ANKS1B: variants seen among roughly 807,000 people sequenced by gnomAD.
ANKS1B encodes the protein ankyrin repeat and sterile alpha motif domain containing 1B.
Under a neutral mutation model 148.3 loss-of-function variants are expected in ANKS1B, and 36 were observed. That is an observed-to-expected ratio of 0.24 (90% CI 0.19 to 0.32). The LOEUF is 0.32. Among genes scored for constraint, ANKS1B ranks in the 10% least tolerant of loss-of-function variants. The pLI, the probability that ANKS1B is intolerant of heterozygous loss-of-function variation, is 1.00. For synonymous variants in ANKS1B, 542 were observed against 560.8 expected (o/e 0.97, Z 0.47); for missense variants, 1,157 against 1,542.6 (o/e 0.75, Z 4.19).
chr12:98,973,744 A>C (rs879108762), intron 17 of ANKS1B, among the ~76,000 whole-genome samples: 1 of 152,112 alleles, frequency 6.6e-6, no homozygotes. Context: ...CTATTGTTAT[A>C]GTTTCTATTT....
intron 1 of ANKS1B, among the ~76,000 whole-genome samples, chr12:99,921,696 CAG>C (rs1159905428): frequency 6.6e-6 from 1 of 151,894 alleles, no homozygotes; most frequent in Non-Finnish European, 1.5e-5. Flanking sequence ...AGATAAAAAC[CAG>C]AGAACCACTG....
chr12:99,717,899 CT>C (rs943618905), intron 8 of ANKS1B, among the ~76,000 whole-genome samples: 4,080 of 110,966 alleles, frequency 0.037, 33 homozygotes, highest in African/African-American at 0.094. Context: ...AGACAATACT[CT>C]TTTTTTTTTT....
At chr12:99,848,112 G>C (rs2087007146) in intron 1 of ANKS1B, among the ~76,000 whole-genome samples, 1 of 152,074 alleles carries the variant, frequency 6.6e-6, no homozygotes, top group Non-Finnish European at 1.5e-5. Context: ...AAACAAGCAG[G>C]AGAGGAAGAG....
chr12:99,252,124 A>G (rs933371748), intron 12 of ANKS1B, among the ~76,000 whole-genome samples: 1 of 152,230 alleles, frequency 6.6e-6, no homozygotes, highest in East Asian at 1.9e-4. Flanking sequence ...CATTGAGCAG[A>G]CATAGAAATG....
intron 8 of ANKS1B, among the ~76,000 whole-genome samples, chr12:99,738,294 A>C (rs992586696): frequency 6.6e-6 from 1 of 152,042 alleles, no homozygotes; most frequent in African/African-American, 2.4e-5. Flanking sequence ...AACCCAAATC[A>C]CTCCTCCATC....
intron 12 of ANKS1B, among the ~76,000 whole-genome samples, chr12:99,289,337 C>T (rs995550088): frequency 6.6e-6 from 1 of 152,060 alleles, no homozygotes; most frequent in Non-Finnish European, 1.5e-5. Context: ...ATCGATGCCT[C>T]ACTTTCAACA....
At chr12:99,713,171 T>C (rs541889871) in intron 8 of ANKS1B, among the ~76,000 whole-genome samples, 3 of 152,304 alleles carry the variant, frequency 2.0e-5, no homozygotes, top group Admixed American at 2.0e-4. Flanking sequence ...TGGCTCCTAT[T>C]GAGATCTGTG....
intron 1 of ANKS1B, among the ~76,000 whole-genome samples, chr12:99,881,044 G>A (rs904595495): frequency 6.6e-6 from 1 of 152,192 alleles, no homozygotes; most frequent in Non-Finnish European, 1.5e-5. Flanking sequence ...AGATGGATTG[G>A]AGAAGACCAG....
intron 9 of ANKS1B, among the ~76,000 whole-genome samples, chr12:99,543,014 C>T (rs958908721): frequency 2.6e-5 from 4 of 152,080 alleles, no homozygotes; most frequent in African/African-American, 9.6e-5. Flanking sequence ...AACTTTTATG[C>T]TTCAAAGGAC....
At chr12:98,936,042 A>G (rs1480533503) in intron 17 of ANKS1B, among the ~76,000 whole-genome samples, 1 of 152,210 alleles carries the variant, frequency 6.6e-6, no homozygotes, top group African/African-American at 2.4e-5. Flanking sequence ...TGCATGATGC[A>G]AGAATGATGA....
In ANKS1B at chr12:99,405,665, A is replaced by G. The variant is rs754082132; in HGVS notation, c.1576-5854T>C. On this transcript the variant is annotated intron_variant, in intron 11 of 26. Coordinates refer to ENST00000683438, the MANE Select transcript of ANKS1B (RefSeq NM_001352186.2). ...AAAAAACTAGAAAACAAATAACACA[A>G]TGGCAGGATAAGTGCTTATCATTAA... Among the ~76,000 whole-genome samples the G allele has an allele frequency of 6.2e-4, 90 of 144,680 alleles. 9 individuals carry two copies. The highest frequency in any genetic ancestry group is 1.2e-3 in the Non-Finnish European group (78 of 65,490). 94.9% of individuals were successfully genotyped at this position (144,680 alleles called of 152,430 possible).
At chr12:99,285,099 G>A (rs554649096) in intron 12 of ANKS1B, among the ~76,000 whole-genome samples, 1 of 152,210 alleles carries the variant, frequency 6.6e-6, no homozygotes, top group South Asian at 2.1e-4. Context: ...TTACCCTTTT[G>A]TAATTTCTCA....
At chr12:99,614,302 G>A (rs1216133107) in intron 9 of ANKS1B, among the ~76,000 whole-genome samples, 3 of 151,920 alleles carry the variant, frequency 2.0e-5, no homozygotes, top group Non-Finnish European at 4.4e-5. Context: ...TGGCGTGGTG[G>A]TGCATGCCTG....
At chr12:99,365,982 A>G (rs764781155) in intron 12 of ANKS1B, among the ~76,000 whole-genome samples, 24 of 152,252 alleles carry the variant, frequency 1.6e-4, no homozygotes, top group Non-Finnish European at 2.2e-4. Flanking sequence ...ATGTCAACAG[A>G]AGTAGCCCTT....
At chr12:99,837,151 T>C (rs1387075) in intron 1 of ANKS1B, among the ~76,000 whole-genome samples, 21,440 of 152,066 alleles carry the variant, frequency 0.14, 2,567 homozygotes, top group African/African-American at 0.33. Context: ...CTGGCCATTG[T>C]TGGCTCTAAA....
At chr12:99,422,075 A>G (rs549641430) in intron 11 of ANKS1B, among the ~76,000 whole-genome samples, 9 of 152,354 alleles carry the variant, frequency 5.9e-5, no homozygotes, top group Non-Finnish European at 1.0e-4. Flanking sequence ...CCGTGAGCCA[A>G]TTAAATCTGT....
chr12:99,066,186 T>C (rs1312508470), intron 16 of ANKS1B, among the ~76,000 whole-genome samples: 1 of 152,014 alleles, frequency 6.6e-6, no homozygotes, highest in Non-Finnish European at 1.5e-5. Flanking sequence ...CATGGTGGTA[T>C]GTGCCTGTAA....
chr12:99,762,193 A>C (rs901198833), intron 8 of ANKS1B, among the ~76,000 whole-genome samples: 1 of 152,106 alleles, frequency 6.6e-6, no homozygotes, highest in South Asian at 2.1e-4. Context: ...TTAGAAAAAA[A>C]CTATTCTAAA....
chr12:99,513,249 C>T (rs1202556202), intron 9 of ANKS1B, among the ~76,000 whole-genome samples: 1 of 151,908 alleles, frequency 6.6e-6, no homozygotes, highest in Non-Finnish European at 1.5e-5. Context: ...AGACATAATG[C>T]TATTGCACAC....
Sources: gnomAD v4.1 joint callset for allele counts (sites outside exome capture counted in the v4.1 genomes callset) on GRCh38, gnomAD v4.1.1 for gene constraint, MANE v1.5 for transcripts, NCBI Gene and HGNC (gene_info 2026-07-23, HGNC 2026-07-21) for gene names.